Variants in PM20D2 observed in about 807,000 individuals in gnomAD.
PM20D2 encodes peptidase M20 domain containing 2.
In PM20D2, 33 loss-of-function variants were observed where a neutral mutation model predicts 42.9. The ratio of observed to expected loss-of-function variants is 0.77; its 90% CI spans 0.58 to 1.03. The LOEUF is 1.03. Ranked by LOEUF, PM20D2 falls within the 50% of genes least tolerant of loss-of-function variation. The pLI, the probability that PM20D2 is intolerant of heterozygous loss-of-function variation, is 0.00. For synonymous variants in PM20D2, 250 were observed against 228.2 expected, an observed-to-expected ratio of 1.10 and a Z score of -0.86; for missense variants, 548 against 557.0, an observed-to-expected ratio of 0.98 and a Z score of 0.16.
chr6:89,132,337 T>TGGAA, the PM20D2 span, among the ~76,000 whole-genome samples: 1 of 144,944 alleles, frequency 6.9e-6, no homozygotes, highest in African/African-American at 2.9e-5. Context: ...TTCATTCACC[T>TGGAA]TCTCTCCAAT....
At chr6:89,106,941 C>T in the PM20D2 span, 1 of 593,800 alleles carries the variant, frequency 1.7e-6, no homozygotes, top group Non-Finnish European at 3.2e-6. Flanking sequence ...TTTTGTCTCG[C>T]CTGCTGGGTT....
At chr6:89,123,096 G>A in the PM20D2 span, among the ~76,000 whole-genome samples, 1 of 152,146 alleles carries the variant, frequency 6.6e-6, no homozygotes, top group East Asian at 1.9e-4. Context: ...CAACTTAGAA[G>A]GCCTGTCACT....
intron 6 of PM20D2, 23 bp from the exon 7 acceptor site, chr6:89,162,086 A>G (rs1439060060): frequency 6.3e-7 from 1 of 1,592,716 alleles, no homozygotes; most frequent in African/African-American, 1.4e-5. Context: ...GTAAGGAGGT[A>G]TTTTATTTTC....
intron 4 of PM20D2, among the ~76,000 whole-genome samples, chr6:89,156,879 A>C (rs932757010): frequency 6.6e-6 from 1 of 152,194 alleles, no homozygotes; most frequent in East Asian, 1.9e-4. Context: ...ACTAGAGAAG[A>C]TGGTTATAGT....
the PM20D2 span, among the ~76,000 whole-genome samples, chr6:89,114,738 A>G: frequency 6.6e-6 from 1 of 152,230 alleles, no homozygotes; most frequent in African/African-American, 2.4e-5. Flanking sequence ...TTTGGCCTGC[A>G]TGACGTTTAA....
the PM20D2 span, chr6:89,105,188 C>A: frequency 6.2e-7 from 1 of 1,612,266 alleles, no homozygotes; most frequent in South Asian, 1.1e-5. Flanking sequence ...TCTTCTTTGG[C>A]TGGGGCTTCT....
intron 4 of PM20D2, among the ~76,000 whole-genome samples, chr6:89,157,369 C>G (rs1639041533): frequency 6.6e-6 from 1 of 152,188 alleles, no homozygotes; most frequent in Non-Finnish European, 1.5e-5. Context: ...TTATGATTGG[C>G]TTTTGCTAAT....
At chr6:89,144,612 T>A (rs1770457643), upstream of PM20D2, among the ~76,000 whole-genome samples, 1 of 152,222 alleles carries the variant, frequency 6.6e-6, no homozygotes, top group Non-Finnish European at 1.5e-5. Flanking sequence ...CCTCATAGTT[T>A]GCTGTGAGGA....
the PM20D2 span, among the ~76,000 whole-genome samples, chr6:89,135,540 T>C: frequency 6.6e-6 from 1 of 151,400 alleles, no homozygotes; most frequent in Admixed American, 6.6e-5. Context: ...CAATGTCTTA[T>C]TTCAATGGCA....
chr6:89,147,385 T>A (rs925679394), intron 1 of PM20D2, among the ~76,000 whole-genome samples: 2 of 152,224 alleles, frequency 1.3e-5, no homozygotes, highest in African/African-American at 4.8e-5. Context: ...TCATACTCTT[T>A]AGTTCATTTC....
the PM20D2 span, among the ~76,000 whole-genome samples, chr6:89,136,129 T>C: frequency 6.6e-6 from 1 of 151,140 alleles, no homozygotes; most frequent in Admixed American, 6.6e-5. Flanking sequence ...AAGCCAAATG[T>C]ATGCCCAGTT....
the PM20D2 span, among the ~76,000 whole-genome samples, chr6:89,100,190 G>A: frequency 6.6e-6 from 1 of 152,132 alleles, no homozygotes; most frequent in African/African-American, 2.4e-5. Context: ...AGATTCCAAG[G>A]GACCAGCAAA....
chr6:89,143,531 C>A (rs971036522), upstream of PM20D2, among the ~76,000 whole-genome samples: 19 of 152,200 alleles, frequency 1.2e-4, no homozygotes, highest in Admixed American at 8.5e-4. Context: ...ACTCCTCTCA[C>A]CCCCCCAAAA....
chr6:89,156,276 C>T (rs934780260), intron 4 of PM20D2, among the ~76,000 whole-genome samples: 4 of 152,140 alleles, frequency 2.6e-5, no homozygotes, highest in Non-Finnish European at 5.9e-5. Flanking sequence ...AAGAATCTTG[C>T]CCTAGAGGGA....
chr6:89,134,940 A>G, the PM20D2 span, among the ~76,000 whole-genome samples: 3 of 150,946 alleles, frequency 2.0e-5, 1 homozygote, highest in Admixed American at 6.6e-5. Flanking sequence ...AAGCTTTTAC[A>G]TCGATCAGTC....
At chr6:89,102,768 G>A in the PM20D2 span, among the ~76,000 whole-genome samples, 1 of 149,438 alleles carries the variant, frequency 6.7e-6, no homozygotes, top group Non-Finnish European at 1.5e-5. Context: ...TTTATTTGTT[G>A]TGAGACAGAG....
chr6:89,112,960 A>T, the PM20D2 span, among the ~76,000 whole-genome samples: 2 of 152,128 alleles, frequency 1.3e-5, no homozygotes, highest in Non-Finnish European at 2.9e-5. Flanking sequence ...GTATTGTAAC[A>T]TGCTGTACAG....
At chr6:89,104,884 A>G in the PM20D2 span, among the ~76,000 whole-genome samples, 1 of 151,914 alleles carries the variant, frequency 6.6e-6, no homozygotes, top group Non-Finnish European at 1.5e-5. Flanking sequence ...GAGACCTCCA[A>G]TCTCTACAAA....
chr6:89,130,819 C>CCTTTTT, the PM20D2 span, among the ~76,000 whole-genome samples: 2 of 24,040 alleles, frequency 8.3e-5, no homozygotes, highest in African/African-American at 2.9e-4. Context: ...GCTTCTTCTT[C>CCTTTTT]TTTTTTTTTT....
Sources: gnomAD v4.1 joint callset for allele counts (sites outside exome capture counted in the v4.1 genomes callset) on GRCh38, gnomAD v4.1.1 for gene constraint, MANE v1.5 for transcripts, NCBI Gene and HGNC (gene_info 2026-07-23, HGNC 2026-07-21) for gene names.